FNDC1: variants seen among roughly 807,000 people sequenced by gnomAD.
FNDC1 encodes fibronectin type III domain-containing protein 1.
In FNDC1, 96 loss-of-function variants were observed where a neutral mutation model predicts 168.0. The observed-to-expected ratio is 0.57, with a 90% CI of 0.48 to 0.68. The LOEUF (loss-of-function observed/expected upper bound fraction) is 0.68. FNDC1 is among the 30% of genes least tolerant of loss of function. FNDC1 has a pLI of 0.00. For missense variants in FNDC1, 2,587 were observed against 2,482.1 expected, an observed-to-expected ratio of 1.04 and a Z score of -0.90; for synonymous variants, 1,099 against 1,025.9, an observed-to-expected ratio of 1.07 and a Z score of -1.36.
chr6:159,260,462 C>A (rs143352196), intron 18 of FNDC1, among the ~76,000 whole-genome samples: 5 of 152,284 alleles, frequency 3.3e-5, no homozygotes, highest in South Asian at 2.1e-4. Flanking sequence ...TACAGAAAAG[C>A]CTCTCTCTCC....
chr6:159,184,326 T>A (rs1227579361), intron 1 of FNDC1, among the ~76,000 whole-genome samples: 2 of 152,374 alleles, frequency 1.3e-5, no homozygotes, highest in Admixed American at 1.3e-4. Flanking sequence ...GTTCCTTTCC[T>A]TTCTTTTTTA....
In FNDC1 at chr6:159,239,664, C is replaced by T; in HGVS notation, c.4328C>T (p.Thr1443Ile). Residue 1443 changes from threonine to isoleucine, a missense_variant, in exon 14 of 23, where the codon ACC becomes ATC. Physicochemically the swap from Thr to Ile is moderately conservative, Grantham distance 89. Coordinates refer to ENST00000297267, the MANE Select transcript of FNDC1 (RefSeq NM_032532.3). ...PLVGLEVIKK[T>I]THPPTTTMQP... is the part of the protein sequence containing the mutation. ...GTGGGCTTGGAGGTCATCAAAAAAA[C>T]CACCCATCCCCCTACCACTACCATG... The T allele has an allele frequency of 2.6e-6, 4 of 1,551,868 alleles. No individual in the cohort carries two copies. The highest frequency in any genetic ancestry group is 3.5e-6 in the Non-Finnish European group (4 of 1,147,128).
intron 13 of FNDC1, 51 bp downstream of exon 13, chr6:159,238,716 A>C: frequency 8.3e-7 from 1 of 1,204,856 alleles, no homozygotes. Flanking sequence ...TTAGCCATAG[A>C]ATTACAGCTT....
rs748141184 is a variant in FNDC1 at position 159,239,738 on chromosome 6, C to T, written c.4402C>T (p.Pro1468Ser). 150 of 1,545,230 alleles carry T rather than the reference C, an allele frequency of 9.7e-5. No homozygotes were observed. Among genetic ancestry groups the T allele is most frequent in the Non-Finnish European group, 1.2e-4 (141 of 1,143,292 alleles). Residue 1468 changes from proline (P) to serine (S), a missense_variant, in exon 14 of 23, where the codon CCC becomes TCC. Coordinates refer to ENST00000297267, the MANE Select transcript of FNDC1 (RefSeq NM_032532.3). The part of the protein sequence containing the change: ...TPLPTTTTPR[P>S]TTATTRRTTT... ...CCTGCCTACCACTACAACCCCGAGG[C>T]CCACCACTGCCACCACCCGCCGCAC...
chr6:159,234,707 C>T (rs1200176590), intron 11 of FNDC1, among the ~76,000 whole-genome samples: 4 of 152,236 alleles, frequency 2.6e-5, no homozygotes, highest in African/African-American at 9.6e-5. Flanking sequence ...GGGGCTTGCC[C>T]TAAGGCAGAC....
intron 22 of FNDC1, among the ~76,000 whole-genome samples, chr6:159,269,502 C>CCATCCATG (rs1554229942): frequency 1.2e-3 from 115 of 92,456 alleles, no homozygotes; most frequent in African/African-American, 3.2e-3. Flanking sequence ...ATCTATCTAT[C>CCATCCATG]CATCCATCCA....
In FNDC1 at chr6:159,232,298, G is replaced by A. The variant is rs117860656; in HGVS notation, c.1786G>A (p.Gly596Ser). The change falls in exon 11 of 23, where the codon GGC becomes AGC. Residue 596 changes from glycine (G) to serine (S), a missense_variant. Coordinates refer to ENST00000297267, the MANE Select transcript of FNDC1 (RefSeq NM_032532.3). The surrounding 1 kb of genome is among the most constrained non-coding windows in gnomAD (Gnocchi z 4.9). Reference protein sequence around the residue: ...ARMPALPRREGVDKPGFSLAT... With the variant: ...ARMPALPRRESVDKPGFSLAT... Reference sequence around the variant, plus strand: ...GATGCCAGCGCTGCCCCGAAGGGAAGGCGTAGATAAGCCTGGCTTTTCCCT... The same window carrying A: ...GATGCCAGCGCTGCCCCGAAGGGAAAGCGTAGATAAGCCTGGCTTTTCCCT... 17,313 of 1,612,306 alleles carry A rather than the reference G, an allele frequency of 0.011. 100 individuals are homozygous for A. Among genetic ancestry groups the A allele is most frequent in the Non-Finnish European group, 0.013 (15,217 of 1,179,204 alleles).
chr6:159,183,656 G>A (rs1781929130), intron 1 of FNDC1, among the ~76,000 whole-genome samples: 1 of 152,202 alleles, frequency 6.6e-6, no homozygotes, highest in South Asian at 2.1e-4. Flanking sequence ...AGAGGAGGAG[G>A]AGCTGGCAAA....
chr6:159,251,640 A>G (rs1479234391), intron 17 of FNDC1, 108 bp downstream of exon 17: 4 of 889,132 alleles, frequency 4.5e-6, no homozygotes, highest in Non-Finnish European at 5.3e-6. Context: ...AGTGGGTTGG[A>G]TGGGTTGGAT....
intron 17 of FNDC1, among the ~76,000 whole-genome samples, chr6:159,255,435 C>T (rs973621185): frequency 6.6e-6 from 1 of 152,160 alleles, no homozygotes; most frequent in African/African-American, 2.4e-5. Context: ...CGCTACACAC[C>T]CTCTCACAGC....
At chr6:159,174,149 C>T (rs551726669) in intron 1 of FNDC1, among the ~76,000 whole-genome samples, 1 of 152,348 alleles carries the variant, frequency 6.6e-6, no homozygotes, top group South Asian at 2.1e-4. Context: ...TATGTATTTA[C>T]TTGTAACTGC....
intron 1 of FNDC1, among the ~76,000 whole-genome samples, chr6:159,188,630 G>A (rs1003159791): frequency 4.0e-5 from 6 of 151,570 alleles, no homozygotes; most frequent in East Asian, 1.9e-4. Flanking sequence ...CACCTGCCTC[G>A]GCCTCCCAAA....
chr6:159,245,109 T>G (rs1783511234), intron 14 of FNDC1, among the ~76,000 whole-genome samples: 1 of 152,098 alleles, frequency 6.6e-6, no homozygotes, highest in Admixed American at 6.5e-5. Context: ...CCATCAGATC[T>G]CGTGAGAATT....
At chr6:159,256,138 G>T (rs1325970260) in intron 17 of FNDC1, among the ~76,000 whole-genome samples, 1 of 152,218 alleles carries the variant, frequency 6.6e-6, no homozygotes, top group East Asian at 1.9e-4. Flanking sequence ...CCTGTGCAGG[G>T]CAATGGTGTA....
chr6:159,190,211 G>T (rs1380069234), intron 1 of FNDC1, among the ~76,000 whole-genome samples: 1 of 152,152 alleles, frequency 6.6e-6, no homozygotes, highest in Non-Finnish European at 1.5e-5. Context: ...GTGGGGTCAG[G>T]GACAACCAGC....
rs200218522 is a variant in FNDC1 at position 159,239,883 on chromosome 6, C to G, written c.4547C>G (p.Thr1516Ser). The G allele has an allele frequency of 1.9e-6, 3 of 1,542,780 alleles. No homozygotes were observed. Among genetic ancestry groups the G allele is most frequent in the Non-Finnish European group, 2.6e-6 (3 of 1,142,208 alleles). The change falls in exon 14 of 23, where the codon ACC becomes AGC. Residue 1516 changes from threonine (T) to serine (S), a missense_variant. Coordinates refer to ENST00000297267, the MANE Select transcript of FNDC1 (RefSeq NM_032532.3). ...TTPIPTCPPG[T>S]LERHDDDGNL... ...CCCATCCCCACCTGTCCCCCTGGGA[C>G]CTTGGAACGGCACGACGATGATGGC...
intron 13 of FNDC1, among the ~76,000 whole-genome samples, chr6:159,238,976 T>C (rs990650529): frequency 6.6e-6 from 1 of 152,180 alleles, no homozygotes; most frequent in African/African-American, 2.4e-5. Context: ...GTAAGACCCA[T>C]GAGCTCAGAA....
At position 159,269,324 on chromosome 6, in the gene FNDC1, A is replaced by ACTATCTATCTATCTATCTAT. The variant is rs534803404; in HGVS notation, c.5569+1400_5569+1419dup. Among the ~76,000 whole-genome samples the ACTATCTATCTATCTATCTAT allele has an allele frequency of 5.2e-4, 21 of 40,474 alleles. 1 individual carries two copies. Among genetic ancestry groups the ACTATCTATCTATCTATCTAT allele is most frequent in the Middle Eastern group, 0.022 (1 of 46 alleles). The allele number at this position is 40,474 out of a possible 152,430, so 26.6% of individuals were successfully genotyped here. Reference sequence around the variant, plus strand: ...TCCATCTATCCTATCTATTTATCTAACTATCTATCTATCTATCTATCCATT... The same window carrying ACTATCTATCTATCTATCTAT: ...TCCATCTATCCTATCTATTTATCTAACTATCTATCTATCTATCTATCTATCTATCTATCTATCTATCCATT... On this transcript the variant is annotated intron_variant, in intron 22 of 22. Coordinates refer to ENST00000297267, the MANE Select transcript of FNDC1 (RefSeq NM_032532.3).
chr6:159,259,467 C>A (rs1290530331), intron 18 of FNDC1, among the ~76,000 whole-genome samples: 1 of 152,148 alleles, frequency 6.6e-6, no homozygotes, highest in Non-Finnish European at 1.5e-5. Context: ...TGGTTCTCAG[C>A]CCGTCAGTCA....
Sources: gnomAD v4.1 joint callset for allele counts (sites outside exome capture counted in the v4.1 genomes callset) on GRCh38, gnomAD v4.1.1 for gene constraint, Gnocchi (gnomAD v3.1) non-coding constraint, MANE v1.5 for transcripts, NCBI Gene and HGNC (gene_info 2026-07-23, HGNC 2026-07-21) for gene names.